The following SOX5 variants were observed in gnomAD, a reference collection of about 807,000 sequenced individuals.
SOX5 encodes transcription factor SOX-5.
SOX5 carries 9 observed loss-of-function variants against 92.0 expected under a neutral mutation model. The ratio of observed to expected loss-of-function variants is 0.10; its 90% confidence interval spans 0.06 to 0.17. SOX5 has a LOEUF of 0.17. SOX5 is among the 10% of genes least tolerant of loss of function. The pLI is 1.00. For missense variants in SOX5, 642 were observed against 944.5 expected, an observed-to-expected ratio of 0.68 and a Z score of 4.20; for synonymous variants, 344 against 336.3, an observed-to-expected ratio of 1.02 and a Z score of -0.25.
chr12:24,009,973 A>C (rs1199317271), intron 4 of SOX5, among the ~76,000 whole-genome samples: 1 of 152,204 alleles, frequency 6.6e-6, no homozygotes, highest in Non-Finnish European at 1.5e-5. Flanking sequence ...CAAAGAAGAT[A>C]TCTTCCAGTA....
chr12:23,650,595 G>A (rs1463599838), intron 7 of SOX5, among the ~76,000 whole-genome samples: 5 of 152,114 alleles, frequency 3.3e-5, no homozygotes, highest in East Asian at 1.9e-4. Flanking sequence ...GGCTGATAGA[G>A]AAATTGGTGG....
chr12:24,192,593 C>T (rs1956631302), intron 4 of SOX5, among the ~76,000 whole-genome samples: 1 of 152,134 alleles, frequency 6.6e-6, no homozygotes, highest in Non-Finnish European at 1.5e-5. Context: ...TTATGACATA[C>T]CAAAATATTG....
At chr12:24,439,104 G>A (rs528884736) in intron 1 of SOX5, among the ~76,000 whole-genome samples, 7 of 152,286 alleles carry the variant, frequency 4.6e-5, no homozygotes, top group Admixed American at 6.5e-5. Context: ...TGATCAATCC[G>A]CAGCCATCAA....
chr12:23,595,943 A>G (rs929419472), intron 9 of SOX5, among the ~76,000 whole-genome samples: 4 of 152,136 alleles, frequency 2.6e-5, no homozygotes, highest in Non-Finnish European at 5.9e-5. Flanking sequence ...AACAAAAAAG[A>G]CTTATTCTGA....
intron 3 of SOX5, among the ~76,000 whole-genome samples, chr12:24,257,090 T>C (rs898012839): frequency 9.2e-5 from 14 of 152,216 alleles, no homozygotes; most frequent in African/African-American, 3.1e-4. Context: ...CCTGCTTTGG[T>C]TGCTGGGTAC....
chr12:24,055,316 A>G (rs1384339850), intron 4 of SOX5, among the ~76,000 whole-genome samples: 1 of 152,212 alleles, frequency 6.6e-6, no homozygotes, highest in African/African-American at 2.4e-5. Flanking sequence ...GAGGGATACA[A>G]TATGGCAGGG....
intron 1 of SOX5, among the ~76,000 whole-genome samples, chr12:24,371,880 C>T (rs1442524664): frequency 2.0e-5 from 3 of 151,912 alleles, no homozygotes; most frequent in Non-Finnish European, 4.4e-5. Context: ...CCCAGCTACT[C>T]GTGAGGCTGA....
chr12:24,193,319 C>T (rs989950991), intron 4 of SOX5, among the ~76,000 whole-genome samples: 11 of 152,152 alleles, frequency 7.2e-5, no homozygotes, highest in African/African-American at 2.7e-4. Context: ...TGGCTAGAAC[C>T]TCATGTCCAC....
intron 6 of SOX5, among the ~76,000 whole-genome samples, chr12:23,711,120 C>T (rs557570026): frequency 4.6e-5 from 7 of 152,090 alleles, no homozygotes; most frequent in Non-Finnish European, 8.8e-5. Context: ...AAAAGAGGTA[C>T]CTTATTTTCA....
chr12:24,458,187 G>A (rs555254320), intron 1 of SOX5, among the ~76,000 whole-genome samples: 2 of 152,050 alleles, frequency 1.3e-5, no homozygotes, highest in African/African-American at 4.8e-5. Context: ...ATCTGGCAAC[G>A]TATCCTAAAT....
intron 4 of SOX5, among the ~76,000 whole-genome samples, chr12:23,986,543 T>C (rs571768690): frequency 1.3e-5 from 2 of 152,326 alleles, no homozygotes; most frequent in South Asian, 2.1e-4. Flanking sequence ...AAATACAATG[T>C]CTTTCTTTCA....
At chr12:23,791,847 C>T (rs1594472803) in intron 3 of SOX5, among the ~76,000 whole-genome samples, 2 of 151,770 alleles carry the variant, frequency 1.3e-5, no homozygotes, top group South Asian at 2.1e-4. Flanking sequence ...AAAAGTGATA[C>T]CTATTTCAAA....
chr12:23,978,215 T>A (rs1949138482), intron 4 of SOX5, among the ~76,000 whole-genome samples: 1 of 152,212 alleles, frequency 6.6e-6, no homozygotes, highest in African/African-American at 2.4e-5. Flanking sequence ...ATATTTTCAA[T>A]GTCCAAAAAT....
intron 1 of SOX5, among the ~76,000 whole-genome samples, chr12:24,497,129 T>A (rs1947720348): frequency 6.6e-6 from 1 of 152,242 alleles, no homozygotes; most frequent in Non-Finnish European, 1.5e-5. Context: ...ACAGCTAGGC[T>A]ATGGTTTCTC....
At chr12:23,914,375 G>A (rs2097388878) in intron 1 of SOX5, among the ~76,000 whole-genome samples, 1 of 152,000 alleles carries the variant, frequency 6.6e-6, no homozygotes, top group Non-Finnish European at 1.5e-5. Context: ...TTAATTTATG[G>A]CCATGCAACA....
At chr12:23,609,858 T>C (rs12423859) in intron 8 of SOX5, among the ~76,000 whole-genome samples, 14,604 of 152,162 alleles carry the variant, frequency 0.096, 970 homozygotes, top group East Asian at 0.2. Context: ...GCTTGAATTG[T>C]ATCTAACTTA....
chr12:24,546,353 T>C (rs1293901234), intron 1 of SOX5, among the ~76,000 whole-genome samples: 4 of 151,694 alleles, frequency 2.6e-5, no homozygotes, highest in South Asian at 2.1e-4. Flanking sequence ...AAGCAGACCA[T>C]GTTACTTAAC....
intron 3 of SOX5, among the ~76,000 whole-genome samples, chr12:23,801,669 A>G (rs769922645): frequency 6.6e-5 from 10 of 152,188 alleles, no homozygotes; most frequent in Non-Finnish European, 1.2e-4. Context: ...ACTTTTTAAC[A>G]TTATTAATAC....
intron 7 of SOX5, among the ~76,000 whole-genome samples, chr12:23,658,241 G>A (rs894932161): frequency 1.3e-5 from 2 of 152,034 alleles, no homozygotes; most frequent in African/African-American, 4.8e-5. Flanking sequence ...ATAATCTTAA[G>A]ACAATAATGT....
Sources: gnomAD v4.1 joint callset for allele counts (sites outside exome capture counted in the v4.1 genomes callset) on GRCh38, gnomAD v4.1.1 for gene constraint, MANE v1.5 for transcripts, NCBI Gene and HGNC (gene_info 2026-07-23, HGNC 2026-07-21) for gene names.